Variants in CREB5 observed in about 807,000 individuals in gnomAD.
The protein encoded by CREB5 is cyclic AMP-responsive element-binding protein 5.
Under a neutral mutation model 57.1 loss-of-function variants are expected in CREB5, and 19 were observed. The observed-to-expected ratio is 0.33, with a 90% CI of 0.23 to 0.49. The LOEUF (loss-of-function observed/expected upper bound fraction) is 0.49. CREB5 is among the 20% of genes least tolerant of loss of function. The pLI is 0.99. For synonymous variants in CREB5, 238 were observed against 238.3 expected, an observed-to-expected ratio of 1.00 and a Z score of 0.01; for missense variants, 579 against 671.6, an observed-to-expected ratio of 0.86 and a Z score of 1.52.
intron 5 of CREB5, among the ~76,000 whole-genome samples, chr7:28,589,874 T>C (rs1180382608): frequency 6.6e-6 from 1 of 152,234 alleles, no homozygotes; most frequent in Non-Finnish European, 1.5e-5. Context: ...GGCCTCACTC[T>C]TGCAGATAAA....
At chr7:28,722,240 C>G (rs1414001782) in intron 6 of CREB5, among the ~76,000 whole-genome samples, 1 of 152,196 alleles carries the variant, frequency 6.6e-6, no homozygotes, top group East Asian at 1.9e-4. Context: ...AAGCAGGCTA[C>G]TCTTACCTCT....
At chr7:28,538,043 A>G (rs1356989893) in intron 4 of CREB5, among the ~76,000 whole-genome samples, 2 of 151,194 alleles carry the variant, frequency 1.3e-5, no homozygotes, top group South Asian at 4.2e-4. Flanking sequence ...TGTTGTTGTT[A>G]TCGTTTTGTT....
rs919929588 is a variant in CREB5 at position 28,825,776 on chromosome 7, G to T, written c.*6497G>T. ...AATGGACAATGAGTTCATTAAGACT[G>T]TTCAACTAGGTCAGATTTTTACATC... On this transcript the variant is annotated 3_prime_UTR_variant, in exon 11 of 11. Coordinates refer to ENST00000357727, the MANE Select transcript of CREB5 (RefSeq NM_182898.4). 6 of 152,622 alleles carry T rather than the reference G, an allele frequency of 3.9e-5. No individual in the cohort carries two copies. The highest frequency in any genetic ancestry group is 1.2e-4 in the African/African-American group (5 of 41,456). 9.5% of individuals were successfully genotyped at this position (152,622 alleles called of 1,614,324 possible).
At chr7:28,508,988 A>G (rs1792591598) in intron 4 of CREB5, among the ~76,000 whole-genome samples, 1 of 152,240 alleles carries the variant, frequency 6.6e-6, no homozygotes, top group South Asian at 2.1e-4. Context: ...GTATATGTAT[A>G]TATATTTAAA....
chr7:28,678,039 C>G (rs1800398898), intron 5 of CREB5, among the ~76,000 whole-genome samples: 1 of 152,214 alleles, frequency 6.6e-6, no homozygotes, highest in South Asian at 2.1e-4. Flanking sequence ...AATCTTTTTA[C>G]TCCTAAATCT....
intron 1 of CREB5, among the ~76,000 whole-genome samples, chr7:28,380,628 C>G (rs910203848): frequency 1.4e-4 from 21 of 152,260 alleles, no homozygotes; most frequent in African/African-American, 4.8e-4. Context: ...GGAGGCAGTT[C>G]GGAGAAACTC....
chr7:28,561,190 A>G lies in CREB5; in HGVS notation c.292-9175A>G, dbSNP rs1467916451. 5.9e-5 allele frequency among the ~76,000 whole-genome samples: 9 copies of G among 152,254 alleles called. No homozygotes were observed. The East Asian group carries it at 1.7e-3, about 29-fold the overall frequency. ...CAGCACTCATTGTACTGTTCTATAT[A>G]TTCACTCAGCAAACATCTATGTGGT... is the stretch of plus-strand genomic sequence containing the variant. On this transcript the variant is annotated intron_variant, in intron 4 of 10. Coordinates refer to ENST00000357727, the MANE Select transcript of CREB5 (RefSeq NM_182898.4).
intron 7 of CREB5, among the ~76,000 whole-genome samples, chr7:28,753,082 T>G (rs1209565518): frequency 6.6e-6 from 1 of 152,146 alleles, no homozygotes; most frequent in East Asian, 1.9e-4. Flanking sequence ...TACCAAGCCT[T>G]GAGTTCCACC....
At position 28,820,263 on chromosome 7, in the gene CREB5, GGGCT is replaced by G. The variant is rs1446648968; in HGVS notation, c.*985_*988del. The G allele has an allele frequency of 1.3e-5, 2 of 152,550 alleles. No individual in the cohort carries two copies. The highest frequency in any genetic ancestry group is 2.4e-5 in the African/African-American group (1 of 41,420). The allele number at this position is 152,550 out of a possible 1,614,324, so 9.4% of individuals were successfully genotyped here. On this transcript the variant is annotated 3_prime_UTR_variant, in exon 11 of 11. Transcript: ENST00000357727. Reference sequence around the variant, plus strand: ...TTGCGAAAGTCCAAATTTTGATGTGGGGCTATAACATGACACCCTTGGATTGCGA... The same window carrying G: ...TTGCGAAAGTCCAAATTTTGATGTGGATAACATGACACCCTTGGATTGCGA...
At chr7:28,560,943 T>TGTGCGTGTGTGTGTGC (rs1554344506) in intron 4 of CREB5, among the ~76,000 whole-genome samples, 1 of 33,174 alleles carries the variant, frequency 3.0e-5, no homozygotes, top group African/African-American at 1.4e-4. Flanking sequence ...TGTGCGTGCG[T>TGTGCGTGTGTGTGTGC]GTGTGTGCGT....
chr7:28,431,802 GA>G, intron 1 of CREB5, among the ~76,000 whole-genome samples: 1 of 151,988 alleles, frequency 6.6e-6, no homozygotes, highest in East Asian at 1.9e-4. Flanking sequence ...CCATGGTTTA[GA>G]AAAAGGAAAA....
intron 5 of CREB5, among the ~76,000 whole-genome samples, chr7:28,674,718 C>T (rs1800235610): frequency 6.6e-6 from 1 of 152,252 alleles, no homozygotes; most frequent in East Asian, 1.9e-4. Context: ...TATCACTACT[C>T]ATCCAGACTA....
At chr7:28,530,122 A>T (rs1793656982) in intron 4 of CREB5, among the ~76,000 whole-genome samples, 1 of 152,234 alleles carries the variant, frequency 6.6e-6, no homozygotes, top group Non-Finnish European at 1.5e-5. Context: ...CTGACTTTGG[A>T]AGGAGCAGTG....
At chr7:28,310,806 A>T (rs1283641441) in intron 1 of CREB5, among the ~76,000 whole-genome samples, 1 of 152,244 alleles carries the variant, frequency 6.6e-6, no homozygotes, top group Admixed American at 6.5e-5. Context: ...TTATGCAGAC[A>T]TTAAAAAGAA....
chr7:28,319,058 A>G (rs1054731999), intron 1 of CREB5, among the ~76,000 whole-genome samples: 11 of 152,178 alleles, frequency 7.2e-5, no homozygotes, highest in Admixed American at 6.5e-5. Context: ...ATATGGGGTC[A>G]TTCCAATACT....
chr7:28,373,201 A>G (rs935878124), intron 1 of CREB5, among the ~76,000 whole-genome samples: 1 of 152,234 alleles, frequency 6.6e-6, no homozygotes, highest in African/African-American at 2.4e-5. Context: ...ACTGGACATC[A>G]GAAGAGTAGG....
chr7:28,583,238 T>C (rs538995178), intron 5 of CREB5, among the ~76,000 whole-genome samples: 4 of 152,328 alleles, frequency 2.6e-5, no homozygotes, highest in African/African-American at 7.2e-5. Flanking sequence ...TTTCTCTATG[T>C]ACCACAAACA....
intron 5 of CREB5, among the ~76,000 whole-genome samples, chr7:28,654,660 T>TA (rs1799267274): frequency 6.6e-6 from 1 of 152,060 alleles, no homozygotes; most frequent in Admixed American, 6.5e-5. Flanking sequence ...GGTTTAGAGG[T>TA]ATGGGTGGTA....
intron 1 of CREB5, among the ~76,000 whole-genome samples, chr7:28,313,853 A>G (rs1785326287): frequency 6.6e-6 from 1 of 152,244 alleles, no homozygotes; most frequent in Non-Finnish European, 1.5e-5. Context: ...GAAAGTTTCT[A>G]GCACTTCAGG....
Sources: gnomAD v4.1 joint callset for allele counts (sites outside exome capture counted in the v4.1 genomes callset) on GRCh38, gnomAD v4.1.1 for gene constraint, MANE v1.5 for transcripts, NCBI Gene and HGNC (gene_info 2026-07-23, HGNC 2026-07-21) for gene names.